GOLM2: variants seen among roughly 807,000 people sequenced by gnomAD.
GOLM2 encodes protein GOLM2.
In GOLM2, 26 loss-of-function variants were observed where a neutral mutation model predicts 55.9. The observed-to-expected ratio is 0.47, with a 90% CI of 0.34 to 0.65. The LOEUF (loss-of-function observed/expected upper bound fraction) is 0.65, where lower values mean the gene tolerates loss of function less well. Among genes scored for constraint, GOLM2 ranks in the 30% least tolerant of loss-of-function variants. The pLI is 0.01. For synonymous variants in GOLM2, 165 were observed against 194.6 expected (o/e 0.85, Z 1.27); for missense variants, 486 against 531.8 (o/e 0.91, Z 0.85).
intron 9 of GOLM2, among the ~76,000 whole-genome samples, chr15:44,411,301 C>T (rs900910398): frequency 6.6e-6 from 1 of 151,782 alleles, no homozygotes; most frequent in African/African-American, 2.4e-5. Flanking sequence ...GGATTGCAAG[C>T]TTGGACAACC....
At chr15:44,408,448 C>CA (rs374189622) in intron 9 of GOLM2, among the ~76,000 whole-genome samples, 1 of 151,958 alleles carries the variant, frequency 6.6e-6, no homozygotes, top group African/African-American at 2.4e-5. Context: ...TATAAATTAA[C>CA]AAAAAAATAC....
intron 4 of GOLM2, among the ~76,000 whole-genome samples, chr15:44,333,132 C>T (rs748956306): frequency 9.9e-5 from 15 of 152,120 alleles, no homozygotes; most frequent in Non-Finnish European, 1.8e-4. Flanking sequence ...CAGGGTTTCA[C>T]CATGTTAGCC....
At chr15:44,350,012 A>G (rs80182977) in intron 6 of GOLM2, among the ~76,000 whole-genome samples, 1 of 152,352 alleles carries the variant, frequency 6.6e-6, no homozygotes, top group East Asian at 1.9e-4. Flanking sequence ...AGGGAAGTTT[A>G]TAGCTATAAG....
chr15:44,396,137 T>C (rs1407959853), intron 8 of GOLM2, among the ~76,000 whole-genome samples: 1 of 151,850 alleles, frequency 6.6e-6, no homozygotes, highest in Non-Finnish European at 1.5e-5. Context: ...GGCAGATCAT[T>C]TGAAGTCAGG....
intron 8 of GOLM2, among the ~76,000 whole-genome samples, chr15:44,400,736 CG>C (rs1431814270): frequency 6.6e-6 from 1 of 151,864 alleles, no homozygotes; most frequent in Non-Finnish European, 1.5e-5. Context: ...GCCACCACAC[CG>C]GGCTAATTTT....
chr15:44,320,496 G>C (rs2078941612), intron 1 of GOLM2, among the ~76,000 whole-genome samples: 1 of 151,836 alleles, frequency 6.6e-6, no homozygotes, highest in Non-Finnish European at 1.5e-5. Context: ...AGTTTTTGTA[G>C]GTCTCACTGT....
chr15:44,349,151 C>T (rs1425172087), intron 6 of GOLM2, among the ~76,000 whole-genome samples: 3 of 149,944 alleles, frequency 2.0e-5, no homozygotes, highest in African/African-American at 4.9e-5. Flanking sequence ...CCCAGCTACT[C>T]GGGAGGCTGA....
chr15:44,367,319 T>C (rs2079292641), intron 6 of GOLM2, among the ~76,000 whole-genome samples: 1 of 152,042 alleles, frequency 6.6e-6, no homozygotes, highest in African/African-American at 2.4e-5. Context: ...TCTACTTTGA[T>C]TATCATTTCC....
At chr15:44,372,253 G>C (rs1026786292) in intron 6 of GOLM2, among the ~76,000 whole-genome samples, 3 of 152,182 alleles carry the variant, frequency 2.0e-5, no homozygotes, top group African/African-American at 4.8e-5. Flanking sequence ...GGTAGTGTCT[G>C]TAATATTAGA....
intron 1 of GOLM2, among the ~76,000 whole-genome samples, chr15:44,292,169 A>G (rs2078724937): frequency 6.7e-6 from 1 of 149,852 alleles, no homozygotes; most frequent in South Asian, 2.1e-4. Flanking sequence ...CTGTGTGTGT[A>G]TATGTGTATA....
intron 7 of GOLM2, among the ~76,000 whole-genome samples, chr15:44,380,182 A>G (rs1234582779): frequency 5.3e-5 from 8 of 152,164 alleles, no homozygotes; most frequent in African/African-American, 1.9e-4. Flanking sequence ...CTAAACACTC[A>G]TTCCATTTTA....
At chr15:44,364,861 G>C (rs1426425245) in intron 6 of GOLM2, among the ~76,000 whole-genome samples, 1 of 152,114 alleles carries the variant, frequency 6.6e-6, no homozygotes, top group African/African-American at 2.4e-5. Context: ...CATTCTAATA[G>C]GCCAAGTTCC....
intron 1 of GOLM2, among the ~76,000 whole-genome samples, chr15:44,316,159 T>C (rs2078907691): frequency 6.6e-6 from 1 of 152,226 alleles, no homozygotes; most frequent in African/African-American, 2.4e-5. Context: ...GAACTCCAAT[T>C]AATTTCTCAA....
chr15:44,363,847 G>T (rs1471078790), intron 6 of GOLM2, among the ~76,000 whole-genome samples: 2 of 151,966 alleles, frequency 1.3e-5, no homozygotes, highest in Non-Finnish European at 2.9e-5. Flanking sequence ...TATACACCAT[G>T]GAATACTATG....
At chr15:44,351,812 A>G (rs935441693) in intron 6 of GOLM2, among the ~76,000 whole-genome samples, 5 of 152,168 alleles carry the variant, frequency 3.3e-5, no homozygotes, top group African/African-American at 1.2e-4. Context: ...AATCAGGAAC[A>G]TAATCCCATT....
chr15:44,395,112 C>A (rs2079516105), intron 8 of GOLM2, among the ~76,000 whole-genome samples: 1 of 151,816 alleles, frequency 6.6e-6, no homozygotes, highest in Non-Finnish European at 1.5e-5. Flanking sequence ...CAGGTTCACG[C>A]CATTCTTCTG....
chr15:44,361,381 A>G (rs1463928141), intron 6 of GOLM2, among the ~76,000 whole-genome samples: 2 of 152,072 alleles, frequency 1.3e-5, no homozygotes, highest in African/African-American at 4.8e-5. Context: ...CCGATCCCAC[A>G]GAAATACAAA....
At chr15:44,372,143 A>G (rs1053966182) in intron 6 of GOLM2, among the ~76,000 whole-genome samples, 1 of 152,176 alleles carries the variant, frequency 6.6e-6, no homozygotes, top group Non-Finnish European at 1.5e-5. Flanking sequence ...AAGCTCATGT[A>G]TTTTATTCTT....
chr15:44,374,357 A>G (rs1475670723), intron 6 of GOLM2, among the ~76,000 whole-genome samples: 1 of 151,994 alleles, frequency 6.6e-6, no homozygotes. Flanking sequence ...TGCTATAAAG[A>G]ATTACCTGAG....
Sources: gnomAD v4.1 joint callset for allele counts (sites outside exome capture counted in the v4.1 genomes callset) on GRCh38, gnomAD v4.1.1 for gene constraint, MANE v1.5 for transcripts, NCBI Gene and HGNC (gene_info 2026-07-23, HGNC 2026-07-21) for gene names.